TANC2: variants seen among roughly 807,000 people sequenced by gnomAD.
TANC2 encodes protein TANC2.
Under a neutral mutation model 210.5 loss-of-function variants are expected in TANC2, and 26 were observed. That is an observed-to-expected ratio of 0.12 (90% CI 0.09 to 0.17). The LOEUF (loss-of-function observed/expected upper bound fraction) is 0.17. TANC2 is among the 10% of genes least tolerant of loss of function. TANC2 has a pLI of 1.00. For synonymous variants in TANC2, 931 were observed against 967.1 expected, an observed-to-expected ratio of 0.96 and a Z score of 0.69; for missense variants, 2,129 against 2,608.9, an observed-to-expected ratio of 0.82 and a Z score of 4.01.
chr17:63,063,857 T>C (rs946307036), intron 2 of TANC2, among the ~76,000 whole-genome samples: 2 of 152,148 alleles, frequency 1.3e-5, no homozygotes, highest in African/African-American at 4.8e-5. Context: ...TTCACGATTT[T>C]CTCTATAATT....
intron 20 of TANC2, among the ~76,000 whole-genome samples, 162 bp downstream of exon 20, chr17:63,405,417 A>G (rs2147282956): frequency 6.6e-6 from 1 of 152,368 alleles, no homozygotes; most frequent in East Asian, 1.9e-4. Flanking sequence ...TTAATTGAGA[A>G]TACGACAGTT....
At chr17:63,189,128 C>T (rs753094981) in intron 5 of TANC2, among the ~76,000 whole-genome samples, 1 of 151,646 alleles carries the variant, frequency 6.6e-6, no homozygotes, top group Non-Finnish European at 1.5e-5. Flanking sequence ...TTTTTCATGG[C>T]CAAATGTTCC....
At position 63,334,323 on chromosome 17, in the gene TANC2, G is replaced by C. The variant is rs181942248; in HGVS notation, c.1576-5778G>C. Among the ~76,000 whole-genome samples, 9 of 152,246 alleles carry C rather than the reference G, an allele frequency of 5.9e-5. No individual in the cohort carries two copies. The East Asian group carries it at 7.7e-4, about 13-fold the overall frequency. The stretch of plus-strand genomic sequence containing the variant: ...AGAACTTGCTCAAAAAAAGATAGAG[G>C]CTTCTTGAAATAACACAGCAGTCAA... On this transcript the variant is annotated intron_variant, in intron 11 of 27. Coordinates refer to ENST00000689528, the Ensembl canonical transcript of TANC2.
At chr17:63,173,944 A>G (rs907238239) in intron 5 of TANC2, among the ~76,000 whole-genome samples, 4 of 152,352 alleles carry the variant, frequency 2.6e-5, no homozygotes, top group Admixed American at 6.5e-5. Context: ...CACCTGGAAC[A>G]ATAGCTACTA....
At chr17:63,170,933 C>A (rs1294484348) in intron 5 of TANC2, among the ~76,000 whole-genome samples, 1 of 152,096 alleles carries the variant, frequency 6.6e-6, no homozygotes, top group Non-Finnish European at 1.5e-5. Flanking sequence ...ACGCATGATA[C>A]TGAATTGCTC....
chr17:63,111,998 A>G (rs2038067569), intron 4 of TANC2, among the ~76,000 whole-genome samples: 1 of 152,206 alleles, frequency 6.6e-6, no homozygotes, highest in Admixed American at 6.5e-5. Context: ...TGCTGGGGTT[A>G]CAGGCGTGAG....
intron 5 of TANC2, chr17:63,153,551 G>A (rs1389324143): frequency 6.6e-6 from 1 of 152,146 alleles, no homozygotes; most frequent in Non-Finnish European, 1.5e-5. Flanking sequence ...AGTAGGTCTG[G>A]AGTGGGTCAA....
chr17:63,313,045 A>G (rs1273589864), intron 9 of TANC2, among the ~76,000 whole-genome samples: 1 of 152,178 alleles, frequency 6.6e-6, no homozygotes, highest in African/African-American at 2.4e-5. Context: ...CCATCTCTGT[A>G]TCCCACCTTG....
intron 9 of TANC2, among the ~76,000 whole-genome samples, chr17:63,284,140 T>A (rs1339575204): frequency 6.6e-6 from 1 of 152,030 alleles, no homozygotes; most frequent in African/African-American, 2.4e-5. Context: ...CTGTTGTTAG[T>A]TTGTTGATAC....
intron 2 of TANC2, among the ~76,000 whole-genome samples, chr17:63,021,473 G>C (rs1205521459): frequency 4.6e-5 from 7 of 152,160 alleles, no homozygotes; most frequent in Non-Finnish European, 1.5e-5. Flanking sequence ...TCTTTCAAAT[G>C]TGCCTGCTTG....
At chr17:63,394,784 A>G (rs958432809) in intron 17 of TANC2, among the ~76,000 whole-genome samples, 2 of 152,112 alleles carry the variant, frequency 1.3e-5, no homozygotes, top group African/African-American at 4.8e-5. Flanking sequence ...CTTTAAATTT[A>G]TTGTATACTC....
At chr17:63,055,468 T>C (rs77981532) in intron 2 of TANC2, among the ~76,000 whole-genome samples, 4,495 of 152,234 alleles carry the variant, frequency 0.03, 80 homozygotes, top group South Asian at 0.037. Context: ...GATGGGCAGC[T>C]AGATCTTTTT....
chr17:63,180,376 TA>T (rs1296681044), intron 5 of TANC2, among the ~76,000 whole-genome samples: 1 of 152,226 alleles, frequency 6.6e-6, no homozygotes, highest in Non-Finnish European at 1.5e-5. Flanking sequence ...ATCCAAAATA[TA>T]ATTGGAAAGA....
At chr17:63,046,532 G>C (rs767796716) in intron 2 of TANC2, among the ~76,000 whole-genome samples, 1 of 151,292 alleles carries the variant, frequency 6.6e-6, no homozygotes, top group Non-Finnish European at 1.5e-5. Flanking sequence ...GGGTTTCACC[G>C]TGTTGGCCAG....
At chr17:63,146,284 G>A (rs2039460375) in intron 4 of TANC2, among the ~76,000 whole-genome samples, 1 of 151,882 alleles carries the variant, frequency 6.6e-6, no homozygotes, top group Non-Finnish European at 1.5e-5. Context: ...GAATTTATTA[G>A]TTCCAGCAGG....
chr17:63,087,550 C>G (rs779973347), intron 3 of TANC2, among the ~76,000 whole-genome samples: 1 of 152,056 alleles, frequency 6.6e-6, no homozygotes, highest in African/African-American at 2.4e-5. Context: ...ATAATTTCTC[C>G]TGATGGTTAA....
intron 7 of TANC2, among the ~76,000 whole-genome samples, chr17:63,212,670 G>A (rs575842971): frequency 1.3e-5 from 2 of 152,214 alleles, no homozygotes; most frequent in African/African-American, 2.4e-5. Context: ...GGCCTCAAAC[G>A]ATACTCCCAC....
intron 8 of TANC2, among the ~76,000 whole-genome samples, chr17:63,265,397 G>T: frequency 6.6e-6 from 1 of 152,076 alleles, no homozygotes; most frequent in East Asian, 1.9e-4. Context: ...TTGTCTCCCT[G>T]GGCCAATGGT....
intron 7 of TANC2, among the ~76,000 whole-genome samples, chr17:63,234,794 G>A (rs1487794772): frequency 6.6e-6 from 1 of 152,170 alleles, no homozygotes; most frequent in East Asian, 1.9e-4. Context: ...TTAGTTGCCT[G>A]TGAGACTACT....
Sources: allele counts gnomAD v4.1 joint callset (sites outside exome capture counted in the v4.1 genomes callset), GRCh38; gene constraint gnomAD v4.1.1; transcripts MANE v1.5; gene names NCBI Gene and HGNC (gene_info 2026-07-23, HGNC 2026-07-21).